Variants in CCDC149 observed in about 807,000 individuals in gnomAD.
CCDC149 encodes coiled-coil domain containing 149.
A neutral mutation model predicts 59.9 loss-of-function variants in CCDC149; 45 were observed. The observed-to-expected ratio is 0.75, with a 90% CI of 0.59 to 0.96. CCDC149 has a LOEUF of 0.96. CCDC149 is among the 40% of genes least tolerant of loss of function. The pLI, the probability that CCDC149 is intolerant of heterozygous loss-of-function variation, is 0.00. For synonymous variants in CCDC149, 245 were observed against 260.6 expected (o/e 0.94, Z 0.58); for missense variants, 584 against 664.7 (o/e 0.88, Z 1.33).
At chr4:24,906,705 A>T (rs1320123088) in intron 1 of CCDC149, among the ~76,000 whole-genome samples, 2 of 152,082 alleles carry the variant, frequency 1.3e-5, no homozygotes, top group Non-Finnish European at 2.9e-5. Flanking sequence ...GCCAAATTTT[A>T]AAAATGAATA....
intron 1 of CCDC149, among the ~76,000 whole-genome samples, chr4:24,893,612 A>ATTTTTT (rs1560241640): frequency 4.9e-3 from 46 of 9,330 alleles, no homozygotes; most frequent in Admixed American, 0.01. Flanking sequence ...TAAAATACAG[A>ATTTTTT]CTTTTTTTTT....
chr4:24,851,368 TC>T (rs376012706), intron 4 of CCDC149, among the ~76,000 whole-genome samples: 2 of 152,204 alleles, frequency 1.3e-5, no homozygotes, highest in African/African-American at 4.8e-5. Context: ...GCTCAAACAA[TC>T]CTCCGGCCTC....
chr4:24,893,233 T>G (rs987754667), intron 1 of CCDC149, among the ~76,000 whole-genome samples: 1 of 152,184 alleles, frequency 6.6e-6, no homozygotes, highest in African/African-American at 2.4e-5. Context: ...CATGGAATGA[T>G]GAACCAGAAA....
intron 12 of CCDC149, among the ~76,000 whole-genome samples, chr4:24,812,024 T>C (rs899002505): frequency 2.6e-5 from 4 of 152,238 alleles, no homozygotes; most frequent in Non-Finnish European, 4.4e-5. Context: ...TCTGCTGCCA[T>C]GGTCACACTG....
chr4:24,887,769 C>G (rs1720275037), intron 1 of CCDC149, among the ~76,000 whole-genome samples: 1 of 151,812 alleles, frequency 6.6e-6, no homozygotes, highest in African/African-American at 2.4e-5. Context: ...GGTACCAGTC[C>G]CTTTGGAGAA....
At position 24,808,198 on chromosome 4, in the gene CCDC149, C is replaced by T. The variant is rs902257645; in HGVS notation, c.*191G>A. ...AGATGACACTGAGAAGCTTGAGGACCTACATTTAATAAATCAAACTGTACT... is the reference window on the plus strand; with the variant it reads ...AGATGACACTGAGAAGCTTGAGGACTTACATTTAATAAATCAAACTGTACT... On this transcript the variant is annotated 3_prime_UTR_variant, in exon 13 of 13. Transcript: ENST00000635206. 2 of 440,690 alleles carry T rather than the reference C, an allele frequency of 4.5e-6. No homozygotes were observed. The highest frequency in any genetic ancestry group is 4.0e-5 in the African/African-American group (2 of 49,722). 27.3% of individuals were successfully genotyped at this position (440,690 alleles called of 1,614,324 possible).
At position 24,912,808 on chromosome 4, in the gene CCDC149, C is replaced by T. The variant is rs1721968166; in HGVS notation, c.63+9G>A. The T allele has an allele frequency of 1.5e-6, 2 of 1,326,934 alleles. No homozygotes were observed. Among genetic ancestry groups the T allele is most frequent in the Non-Finnish European group, 2.0e-6 (2 of 1,024,648 alleles). The allele number at this position is 1,326,934 out of a possible 1,614,324, so 82.2% of individuals were successfully genotyped here. ...GGCCCATCCCGCCTGGCCGGCGCCG[C>T]GGCCTCACCTCGCTCACCAGCCCCT... On this transcript the variant is annotated intron_variant, in intron 1 of 12. Coordinates refer to ENST00000635206, the MANE Select transcript of CCDC149 (RefSeq NM_001330643.2).
chr4:24,969,300 A>T (rs1577512702), intron 1 of CCDC149, among the ~76,000 whole-genome samples: 3 of 152,226 alleles, frequency 2.0e-5, no homozygotes, highest in African/African-American at 7.2e-5. Flanking sequence ...CTGTGGACAC[A>T]GGCCTGTTGT....
At chr4:24,910,146 G>A (rs538870828) in intron 1 of CCDC149, among the ~76,000 whole-genome samples, 5 of 152,306 alleles carry the variant, frequency 3.3e-5, no homozygotes, top group Admixed American at 3.3e-4. Context: ...TCTGGGAGCT[G>A]CCAGCGACCT....
intron 1 of CCDC149, among the ~76,000 whole-genome samples, chr4:24,949,651 A>G (rs1417428882): frequency 6.6e-6 from 1 of 152,136 alleles, no homozygotes; most frequent in Non-Finnish European, 1.5e-5. Flanking sequence ...CAACTACGAA[A>G]ACCTCAGAGC....
At chr4:24,930,130 CT>C (rs1722547577) in intron 1 of CCDC149, among the ~76,000 whole-genome samples, 1 of 152,214 alleles carries the variant, frequency 6.6e-6, no homozygotes, top group Admixed American at 6.5e-5. Context: ...GACCCTGTAA[CT>C]GGGTGAGTGG....
intron 9 of CCDC149, among the ~76,000 whole-genome samples, chr4:24,826,451 A>G (rs1293538236): frequency 2.6e-5 from 4 of 152,166 alleles, no homozygotes; most frequent in African/African-American, 4.8e-5. Flanking sequence ...GAATGGGGCA[A>G]TGAGGAGGGA....
At chr4:24,814,331 C>T (rs148176947) in intron 12 of CCDC149, among the ~76,000 whole-genome samples, 252 of 152,222 alleles carry the variant, frequency 1.7e-3, no homozygotes, top group Non-Finnish European at 2.4e-3. Flanking sequence ...GTTCTTGATG[C>T]GCAAATGTAT....
At chr4:24,819,474 C>A (rs1043318949) in intron 12 of CCDC149, among the ~76,000 whole-genome samples, 4 of 152,198 alleles carry the variant, frequency 2.6e-5, no homozygotes, top group Non-Finnish European at 5.9e-5. Flanking sequence ...GCACGCCCCA[C>A]CACACCCGGC....
chr4:24,818,405 G>A (rs1322698177), intron 12 of CCDC149, among the ~76,000 whole-genome samples: 1 of 152,218 alleles, frequency 6.6e-6, no homozygotes, highest in Non-Finnish European at 1.5e-5. Flanking sequence ...GTATTTTTAT[G>A]GAGGTAATGA....
At position 24,912,816 on chromosome 4, in the gene CCDC149, C is replaced by T. The variant is rs1351006739; in HGVS notation, c.63+1G>A. On this transcript the variant is annotated splice_donor_variant, in intron 1 of 12. Transcript: ENST00000635206. LOFTEE classifies it high-confidence loss of function. ...CCGCCTGGCCGGCGCCGCGGCCTCA[C>T]CTCGCTCACCAGCCCCTGCCAGTCG... The T allele has an allele frequency of 7.4e-7, 1 of 1,343,274 alleles. No individual in the cohort carries two copies. The highest frequency in any genetic ancestry group is 9.7e-7 in the Non-Finnish European group (1 of 1,032,674). The allele number at this position is 1,343,274 out of a possible 1,614,324, so 83.2% of individuals were successfully genotyped here.
In CCDC149 at chr4:24,912,956, C is replaced by G. The variant is rs1011481773; in HGVS notation, c.-77G>C. 2 of 849,688 alleles carry G rather than the reference C, an allele frequency of 2.4e-6. No homozygotes were observed. Among genetic ancestry groups the G allele is most frequent in the Admixed American group, 5.0e-5 (1 of 20,016 alleles). The allele number at this position is 849,688 out of a possible 1,614,324, so 52.6% of individuals were successfully genotyped here. A position where few individuals can be genotyped will look rare whatever the true frequency, so the allele number is the denominator to read the frequency against. ...CGTCGCCGCCGCCGCCCGGGCCCCG[C>G]GCGGCCCCGAGAGGGCCCGGCGCCT... On this transcript the variant is annotated 5_prime_UTR_variant, in exon 1 of 13. Coordinates refer to ENST00000635206, the MANE Select transcript of CCDC149 (RefSeq NM_001330643.2).
At chr4:24,958,990 G>T (rs1210021259) in intron 1 of CCDC149, among the ~76,000 whole-genome samples, 1 of 151,758 alleles carries the variant, frequency 6.6e-6, no homozygotes, top group Non-Finnish European at 1.5e-5. Context: ...CCGAGATCAC[G>T]CAGGCAGAGC....
intron 1 of CCDC149, among the ~76,000 whole-genome samples, chr4:24,944,065 A>T (rs1723032738): frequency 6.6e-6 from 1 of 152,210 alleles, no homozygotes; most frequent in South Asian, 2.1e-4. Context: ...TACCCAAAGG[A>T]TTATAAATCA....
Sources: gnomAD v4.1 joint callset for allele counts (sites outside exome capture counted in the v4.1 genomes callset) on GRCh38, gnomAD v4.1.1 for gene constraint, MANE v1.5 for transcripts, NCBI Gene and HGNC (gene_info 2026-07-23, HGNC 2026-07-21) for gene names.